Variants in ATP2B2 observed in about 807,000 individuals in gnomAD.
The protein encoded by ATP2B2 is ATPase plasma membrane Ca2+ transporting 2, also known as plasma membrane calcium-transporting ATPase 2.
Under a neutral mutation model 120.0 loss-of-function variants are expected in ATP2B2, and 15 were observed. The ratio of observed to expected loss-of-function variants is 0.12; its 90% CI spans 0.08 to 0.19. The LOEUF (loss-of-function observed/expected upper bound fraction) is 0.19. ATP2B2 is among the 10% of genes least tolerant of loss of function. The probability of loss-of-function intolerance (pLI) is 1.00; values close to 1 mark genes in which losing one functional copy is unlikely to be tolerated. For missense variants in ATP2B2, 1,045 were observed against 1,719.8 expected (o/e 0.61, Z 6.94); for synonymous variants, 694 against 700.3 (o/e 0.99, Z 0.14).
At chr3:10,673,620 C>T (rs1046349218) in intron 1 of ATP2B2, among the ~76,000 whole-genome samples, 1 of 151,358 alleles carries the variant, frequency 6.6e-6, no homozygotes, top group Non-Finnish European at 1.5e-5. Context: ...GGCAACATAG[C>T]AAGACCTCGT....
At chr3:10,697,359 A>G (rs1486815175) in intron 1 of ATP2B2, among the ~76,000 whole-genome samples, 1 of 152,070 alleles carries the variant, frequency 6.6e-6, no homozygotes, top group African/African-American at 2.4e-5. Context: ...TGGCTGTGTG[A>G]CTTTGGGCAA....
chr3:10,588,323 G>A (rs2068562673), intron 2 of ATP2B2, among the ~76,000 whole-genome samples: 1 of 152,192 alleles, frequency 6.6e-6, no homozygotes, highest in Non-Finnish European at 1.5e-5. Flanking sequence ...ACCTTATTGA[G>A]ACTTGCTGGT....
At position 10,359,966 on chromosome 3, in the gene ATP2B2, C is replaced by T. The variant is rs768463609; in HGVS notation, c.1817G>A (p.Arg606His). 1.9e-6 allele frequency: 3 copies of T among 1,614,248 alleles called. No individual in the cohort carries two copies. Among genetic ancestry groups the T allele is most frequent in the Non-Finnish European group, 2.5e-6 (3 of 1,180,036 alleles). Reference protein sequence around the residue: ...LYKVYTFNSVRKSMSTVIKLP... With the variant: ...LYKVYTFNSVHKSMSTVIKLP... ...CTTGATGACAGTGCTCATGGACTTG[C>T]GCACGGAGTTGAAGGTGTACACTTT... Residue 606 changes from arginine to histidine, a missense_variant, in exon 13 of 23, where the codon CGC becomes CAC. Transcript: ENST00000360273.
intron 6 of ATP2B2, chr3:10,388,047 G>T (rs1378099572): frequency 7.3e-6 from 4 of 551,024 alleles, no homozygotes; most frequent in African/African-American, 5.7e-5. Context: ...AGGGGAAGGA[G>T]GGGCCTCCAT....
intron 1 of ATP2B2, among the ~76,000 whole-genome samples, chr3:10,465,992 G>A (rs2064722775): frequency 6.6e-6 from 1 of 152,180 alleles, no homozygotes; most frequent in African/African-American, 2.4e-5. Flanking sequence ...CTCAGAAGAG[G>A]CCCTGACTCC....
At chr3:10,483,954 G>A (rs2125329601) in intron 1 of ATP2B2, among the ~76,000 whole-genome samples, 1 of 152,246 alleles carries the variant, frequency 6.6e-6, no homozygotes, top group East Asian at 1.9e-4. Flanking sequence ...CCCCTCGAGG[G>A]ATTCATGGAA....
rs558524449 is a variant in ATP2B2, at chr3:10,636,695, T to C, written c.-459-16734A>G. Among the ~76,000 whole-genome samples the C allele has an allele frequency of 8.5e-5, 13 of 152,262 alleles. No individual in the cohort carries two copies. The South Asian group carries it at 2.3e-3, about 27-fold the overall frequency. On this transcript the variant is annotated intron_variant, in intron 1 of 21. Coordinates refer to the ATP2B2 transcript ENST00000646379. ...ATGAAAAACAAAATAGGTAAGTCAG[T>C]GATTGCCCCAAACACTGCCTTGAGA... is the stretch of plus-strand genomic sequence containing the variant.
chr3:10,472,005 C>T (rs12637300), intron 1 of ATP2B2, among the ~76,000 whole-genome samples: 26,179 of 146,622 alleles, frequency 0.18, 2,521 homozygotes, highest in East Asian at 0.28. Flanking sequence ...GGCGTGAACC[C>T]GGGAGGCGGA....
chr3:10,472,298 T>C (rs1356569890), intron 1 of ATP2B2, among the ~76,000 whole-genome samples: 1 of 152,050 alleles, frequency 6.6e-6, no homozygotes, highest in Non-Finnish European at 1.5e-5. Context: ...AAGGCACTGG[T>C]TCAGAAGCCC....
In ATP2B2 at chr3:10,354,818, C is replaced by T. The variant is rs73129256; in HGVS notation, c.2136+3873G>A. Among the ~76,000 whole-genome samples, 992 of 152,318 alleles carry T rather than the reference C, an allele frequency of 6.5e-3. 8 individuals are homozygous for T. The highest frequency in any genetic ancestry group is 0.022 in the African/African-American group (930 of 41,572). ...TGTGTCTGCAGGACCCTAGAGATGG[C>T]CCGGGCTGAGGTTTTCCCTCTGGCT... On this transcript the variant is annotated intron_variant, in intron 14 of 22. Coordinates refer to ENST00000360273, the MANE Select transcript of ATP2B2 (RefSeq NM_001001331.4).
In ATP2B2 at chr3:10,505,317, C is replaced by G. The variant is rs531797211; in HGVS notation, c.-320+148G>C. Reference sequence around the variant, plus strand: ...GATAAACAAGCCCTGCTCCCACCCCCCCTCCACGCTGCCACCGCCACCACC... The same window carrying G: ...GATAAACAAGCCCTGCTCCCACCCCGCCTCCACGCTGCCACCGCCACCACC... On this transcript the variant is annotated intron_variant, in intron 1 of 22. Coordinates refer to ENST00000360273, the MANE Select transcript of ATP2B2 (RefSeq NM_001001331.4). The G allele has an allele frequency of 2.7e-3, 412 of 152,666 alleles. 3 individuals are homozygous for G. The highest frequency in any genetic ancestry group is 5.4e-3 in the South Asian group (26 of 4,816). 9.5% of individuals were successfully genotyped at this position (152,666 alleles called of 1,614,324 possible). A position where few individuals can be genotyped will look rare whatever the true frequency, so the allele number is the denominator to read the frequency against.
chr3:10,330,688 T>G (rs1422339280), intron 22 of ATP2B2, among the ~76,000 whole-genome samples: 1 of 152,234 alleles, frequency 6.6e-6, no homozygotes, highest in Non-Finnish European at 1.5e-5. Context: ...GGGAGGCCCC[T>G]GAAGTCCCAG....
chr3:10,383,718 T>C (rs2061594844), intron 8 of ATP2B2, among the ~76,000 whole-genome samples: 3 of 152,160 alleles, frequency 2.0e-5, no homozygotes, highest in Admixed American at 1.3e-4. Flanking sequence ...GTCATGAGGA[T>C]TAAATGAGAT....
chr3:10,578,190 C>G (rs987944859), intron 2 of ATP2B2, among the ~76,000 whole-genome samples: 5 of 152,150 alleles, frequency 3.3e-5, no homozygotes, highest in Non-Finnish European at 2.9e-5. Flanking sequence ...CATGGAGCAA[C>G]AGAGGCTCTC....
intron 1 of ATP2B2, among the ~76,000 whole-genome samples, chr3:10,681,560 G>T (rs1384129342): frequency 6.6e-6 from 1 of 152,226 alleles, no homozygotes; most frequent in East Asian, 1.9e-4. Flanking sequence ...CGCCCACTGG[G>T]TGCAGGCACT....
chr3:10,645,679 T>G (rs756215680), intron 1 of ATP2B2, among the ~76,000 whole-genome samples: 1 of 152,220 alleles, frequency 6.6e-6, no homozygotes, highest in African/African-American at 2.4e-5. Flanking sequence ...GGTCTGTGAA[T>G]TGAGTCTGCA....
chr3:10,448,534 A>T (rs2063918669), intron 2 of ATP2B2, among the ~76,000 whole-genome samples: 1 of 152,116 alleles, frequency 6.6e-6, no homozygotes, highest in Non-Finnish European at 1.5e-5. Flanking sequence ...GAGGCAGAGG[A>T]CCCAGCTTTG....
intron 1 of ATP2B2, among the ~76,000 whole-genome samples, chr3:10,493,361 A>G (rs1575402304): frequency 1.3e-5 from 2 of 152,084 alleles, no homozygotes; most frequent in East Asian, 3.9e-4. Context: ...AGTGTAGTCT[A>G]GATGGGGAAA....
At chr3:10,673,806 CAA>C (rs549651187) in intron 1 of ATP2B2, among the ~76,000 whole-genome samples, 3 of 73,776 alleles carry the variant, frequency 4.1e-5, no homozygotes, top group East Asian at 9.1e-4. Flanking sequence ...GACCCTGTTT[CAA>C]AAAAAAAAAA....
Sources: gnomAD v4.1 joint callset for allele counts (sites outside exome capture counted in the v4.1 genomes callset) on GRCh38, gnomAD v4.1.1 for gene constraint, MANE v1.5 for transcripts, NCBI Gene and HGNC (gene_info 2026-07-23, HGNC 2026-07-21) for gene names.